Variants in GABRA4 observed in about 807,000 individuals in gnomAD.
The protein encoded by GABRA4 is gamma-aminobutyric acid receptor subunit alpha-4.
GABRA4 carries 12 observed loss-of-function variants against 49.7 expected under a neutral mutation model. The observed-to-expected ratio is 0.24, with a 90% CI of 0.15 to 0.39. The LOEUF (loss-of-function observed/expected upper bound fraction) is 0.39. Ranked by LOEUF, GABRA4 falls within the 10% of genes least tolerant of loss-of-function variation. The pLI is 1.00. For missense variants in GABRA4, 506 were observed against 686.0 expected, an observed-to-expected ratio of 0.74 and a Z score of 2.93; for synonymous variants, 288 against 240.2, an observed-to-expected ratio of 1.20 and a Z score of -1.84.
chr4:46,986,274 C>G (rs1347148531), intron 2 of GABRA4, among the ~76,000 whole-genome samples: 3 of 151,982 alleles, frequency 2.0e-5, no homozygotes, highest in African/African-American at 7.2e-5. Flanking sequence ...TCCATTCTCT[C>G]TCGAATGCAC....
At chr4:46,962,033 C>T (rs1301973901) in intron 8 of GABRA4, among the ~76,000 whole-genome samples, 1 of 151,816 alleles carries the variant, frequency 6.6e-6, no homozygotes, top group African/African-American at 2.4e-5. Flanking sequence ...TTGGGCTTTC[C>T]ACATTGTCTT....
chr4:46,962,878 T>C (rs956940892), intron 8 of GABRA4, among the ~76,000 whole-genome samples: 9 of 151,820 alleles, frequency 5.9e-5, no homozygotes, highest in African/African-American at 1.9e-4. Flanking sequence ...CTTCAATAAA[T>C]GGTGCTGGGA....
intron 2 of GABRA4, among the ~76,000 whole-genome samples, chr4:46,992,115 T>C (rs1420835279): frequency 6.6e-6 from 1 of 152,194 alleles, no homozygotes; most frequent in Non-Finnish European, 1.5e-5. Flanking sequence ...GCTTGCCACA[T>C]AGATTTCCAT....
In GABRA4 at chr4:46,986,913, C is replaced by A. The variant is rs763788610; in HGVS notation, c.205+5915G>T. On this transcript the variant is annotated intron_variant, in intron 2 of 8. Coordinates refer to ENST00000264318, the MANE Select transcript of GABRA4 (RefSeq NM_000809.4). ...TAATTTCAAAATATCCAGAAGCCAA[C>A]CATTTCTTATAAATTTACAAACTTC... Among the ~76,000 whole-genome samples the A allele has an allele frequency of 4.6e-5, 7 of 152,194 alleles. No homozygotes were observed. The South Asian group carries it at 6.2e-4, about 14-fold the overall frequency.
chr4:46,971,031 A>G (rs1722933540), intron 7 of GABRA4, 52 bp downstream of exon 7: 6 of 1,531,460 alleles, frequency 3.9e-6, no homozygotes, highest in Middle Eastern at 2.1e-4. Flanking sequence ...CCCATGAATC[A>G]TGAATAAAAT....
In GABRA4 at chr4:46,921,808, A is replaced by G. The variant is rs1721045828; in HGVS notation, c.*6417T>C. ...GAAAAATTGAGAAAAAAAAATGAAAACCATATCTGTAATTAACAAGTAATT... is the reference window on the plus strand; with the variant it reads ...GAAAAATTGAGAAAAAAAAATGAAAGCCATATCTGTAATTAACAAGTAATT... On this transcript the variant is annotated 3_prime_UTR_variant, in exon 9 of 9. Coordinates refer to ENST00000264318, the MANE Select transcript of GABRA4 (RefSeq NM_000809.4). 6.6e-6 allele frequency: 1 copy of G among 152,076 alleles called. No homozygotes were observed. 9.4% of individuals were successfully genotyped at this position (152,076 alleles called of 1,614,324 possible).
At position 46,993,505 on chromosome 4, in the gene GABRA4, G is replaced by A. The variant is rs1723859332; in HGVS notation, c.-81C>T. On this transcript the variant is annotated 5_prime_UTR_variant, in exon 1 of 9. Coordinates refer to ENST00000264318, the MANE Select transcript of GABRA4 (RefSeq NM_000809.4). ...CTGAGCAGGGTGCGAGGAGAGGGCA[G>A]AGAGGCTCCCGCGGCGTGCGCACAC... 6.9e-7 allele frequency: 1 copy of A among 1,440,300 alleles called. No homozygotes were observed. The highest frequency in any genetic ancestry group is 1.4e-5 in the African/African-American group (1 of 71,306). The allele number at this position is 1,440,300 out of a possible 1,614,324, so 89.2% of individuals were successfully genotyped here. A position where few individuals can be genotyped will look rare whatever the true frequency, so the allele number is the denominator to read the frequency against.
intron 8 of GABRA4, among the ~76,000 whole-genome samples, chr4:46,960,044 C>T (rs1577771269): frequency 6.6e-6 from 1 of 151,028 alleles, no homozygotes; most frequent in Middle Eastern, 3.4e-3. Context: ...TATGAAATAA[C>T]TTCCAAAATA....
intron 6 of GABRA4, among the ~76,000 whole-genome samples, chr4:46,972,485 T>C (rs1030080408): frequency 1.3e-5 from 2 of 151,680 alleles, no homozygotes; most frequent in African/African-American, 4.8e-5. Context: ...ATATTTAATA[T>C]ATACAGCTTG....
intron 8 of GABRA4, among the ~76,000 whole-genome samples, chr4:46,943,053 A>G (rs1369221293): frequency 6.6e-6 from 1 of 152,124 alleles, no homozygotes; most frequent in Non-Finnish European, 1.5e-5. Flanking sequence ...ATATTTATTG[A>G]GTGCCAGGCA....
Position 46,936,841 on chromosome 4 carries a change from A to G in GABRA4, c.1135-8086T>C, listed in dbSNP as rs552551410. Among the ~76,000 whole-genome samples the G allele has an allele frequency of 9.2e-5, 14 of 152,290 alleles. No individual in the cohort carries two copies. In the South Asian group the frequency reaches 2.9e-3, roughly 32 times the overall value. On this transcript the variant is annotated intron_variant, in intron 8 of 8. Transcript: ENST00000264318. ...TTTTTTCCCTTTATCTCTTATGTCAATTATAGTAGTCAAAAGGACTTTCTT... is the reference window on the plus strand; with the variant it reads ...TTTTTTCCCTTTATCTCTTATGTCAGTTATAGTAGTCAAAAGGACTTTCTT...
intron 8 of GABRA4, among the ~76,000 whole-genome samples, chr4:46,943,601 G>A (rs1228791470): frequency 6.6e-6 from 1 of 151,952 alleles, no homozygotes; most frequent in Non-Finnish European, 1.5e-5. Context: ...CTGCCTCCCA[G>A]TCCAGCCTCA....
chr4:46,960,144 A>T (rs1244713781), intron 8 of GABRA4, among the ~76,000 whole-genome samples: 1 of 151,660 alleles, frequency 6.6e-6, no homozygotes, highest in African/African-American at 2.4e-5. Context: ...AAAGTACTAA[A>T]ATCAGATCAA....
intron 8 of GABRA4, among the ~76,000 whole-genome samples, chr4:46,958,232 T>A (rs1253889821): frequency 2.6e-5 from 4 of 151,934 alleles, no homozygotes; most frequent in Non-Finnish European, 5.9e-5. Flanking sequence ...AAACCTCAGC[T>A]TCTTCATCTG....
Position 46,924,315 on chromosome 4 carries a change from TG to T in GABRA4, c.*3909del, listed in dbSNP as rs1721134581. The T allele has an allele frequency of 6.6e-6, 1 of 152,148 alleles. No individual in the cohort carries two copies. The highest frequency in any genetic ancestry group is 2.4e-5 in the African/African-American group (1 of 41,452). 9.4% of individuals were successfully genotyped at this position (152,148 alleles called of 1,614,324 possible). A position where few individuals can be genotyped will look rare whatever the true frequency, so the allele number is the denominator to read the frequency against. On this transcript the variant is annotated 3_prime_UTR_variant, in exon 9 of 9. Coordinates refer to ENST00000264318, the MANE Select transcript of GABRA4 (RefSeq NM_000809.4). ...ATATTCACTTAAATATTAGGTATCT[TG>T]ATTATTGAAGTTTTGATGTCCCCAT... is the stretch of plus-strand genomic sequence containing the variant.
chr4:46,987,047 G>A (rs1444436697), intron 2 of GABRA4, among the ~76,000 whole-genome samples: 1 of 152,052 alleles, frequency 6.6e-6, no homozygotes, highest in East Asian at 1.9e-4. Context: ...CACAAGGAGA[G>A]CCTTTTAAAA....
chr4:46,948,629 T>C (rs1353636080), intron 8 of GABRA4, among the ~76,000 whole-genome samples: 1 of 152,108 alleles, frequency 6.6e-6, no homozygotes, highest in Admixed American at 6.6e-5. Flanking sequence ...TCAAGCAGAT[T>C]ACCATTACCT....
At chr4:46,980,488 C>A (rs554310983) in intron 2 of GABRA4, among the ~76,000 whole-genome samples, 1 of 151,572 alleles carries the variant, frequency 6.6e-6, no homozygotes, top group Non-Finnish European at 1.5e-5. Context: ...AAGATTGATC[C>A]ACACAAAGAA....
chr4:46,977,825 T>G (rs549800771), intron 3 of GABRA4, among the ~76,000 whole-genome samples, 195 bp from the exon 4 acceptor site: 1 of 152,192 alleles, frequency 6.6e-6, no homozygotes, highest in South Asian at 2.1e-4. Flanking sequence ...TTATCCATCT[T>G]GATACCTTCA....
Sources: gnomAD v4.1 joint callset for allele counts (sites outside exome capture counted in the v4.1 genomes callset) on GRCh38, gnomAD v4.1.1 for gene constraint, MANE v1.5 for transcripts, NCBI Gene and HGNC (gene_info 2026-07-23, HGNC 2026-07-21) for gene names.